The following ZNF595 variants were observed in gnomAD, a reference collection of about 807,000 sequenced individuals.
ZNF595 encodes zinc finger protein 595.
In ZNF595, 9 loss-of-function variants were observed where a neutral mutation model predicts 19.4. The observed-to-expected ratio is 0.46, with a 90% CI of 0.28 to 0.81. The LOEUF (loss-of-function observed/expected upper bound fraction) is 0.81. Ranked by LOEUF, ZNF595 falls within the 30% of genes least tolerant of loss-of-function variation. ZNF595 has a pLI of 0.11. For missense variants in ZNF595, 729 were observed against 736.0 expected (o/e 0.99, Z 0.11); for synonymous variants, 255 against 255.9 (o/e 1.00, Z 0.03).
At position 85,991 on chromosome 4, in the gene ZNF595, C is replaced by G; in HGVS notation, c.487C>G (p.His163Asp). 6.2e-7 allele frequency: 1 copy of G among 1,607,794 alleles called. No individual in the cohort carries two copies. Among genetic ancestry groups the G allele is most frequent in the Non-Finnish European group, 8.5e-7 (1 of 1,176,402 alleles). The change falls in exon 4 of 4, where the codon CAT becomes GAT. Residue 163 changes from histidine (H) to aspartate (D), a missense_variant. Physicochemically the swap from His to Asp is moderately conservative, Grantham distance 81. Coordinates refer to ENST00000610261, the MANE Select transcript of ZNF595 (RefSeq NM_182524.4). ...VFSKFSNSNK[H>D]KIRHTGEKPF... ...TAGTAAATTTTCAAATTCAAACAAA[C>G]ATAAGATAAGACATACTGGAGAGAA...
At position 63,211 on chromosome 4, in the gene ZNF595, C is replaced by T. The variant is rs1228713717; in HGVS notation, c.226+3058C>T. On this transcript the variant is annotated intron_variant, in intron 3 of 3. Coordinates refer to ENST00000610261, the MANE Select transcript of ZNF595 (RefSeq NM_182524.4). ...GAATATACTATACTCTTTTGATTAC[C>T]ATGACCTTTAAGTAAAGTTTGAAAT... 1.2e-3 allele frequency among the ~76,000 whole-genome samples: 168 copies of T among 144,102 alleles called. 10 individuals carry two copies. Among genetic ancestry groups the T allele is most frequent in the African/African-American group, 4.2e-3 (155 of 37,156 alleles). The allele number at this position is 144,102 out of a possible 152,430, so 94.5% of individuals were successfully genotyped here. A position where few individuals can be genotyped will look rare whatever the true frequency, so the allele number is the denominator to read the frequency against.
rs1714232206 is a variant in ZNF595, at chr4:87,003, A to G, written c.1499A>G (p.Asn500Ser). The G allele has an allele frequency of 2.5e-6, 4 of 1,611,652 alleles. No homozygotes were observed. The highest frequency in any genetic ancestry group is 1.7e-4 in the Middle Eastern group (1 of 6,030). The change falls in exon 4 of 4, where the codon AAT (asparagine) becomes AGT (serine). Residue 500 changes from asparagine to serine, a missense_variant. Coordinates refer to ENST00000610261, the MANE Select transcript of ZNF595 (RefSeq NM_182524.4). ...TCCGCAAGCCTGAATGAACATAAGA[A>G]TATTCATACTGGAGAGAAACCCTAC... is the stretch of plus-strand genomic sequence containing the variant. Reference protein sequence around the residue: ...IWSASLNEHKNIHTGEKPYKC... With the variant: ...IWSASLNEHKSIHTGEKPYKC...
intron 3 of ZNF595, among the ~76,000 whole-genome samples, chr4:74,920 C>G (rs926575366): frequency 1.8e-4 from 27 of 152,080 alleles, no homozygotes; most frequent in Admixed American, 4.6e-4. Context: ...TTTCCTTTTA[C>G]AATATATTTA....
chr4:63,936 GGCTGTTTCAGGGACCAAA>G (rs1712965011), intron 3 of ZNF595, among the ~76,000 whole-genome samples: 1 of 149,640 alleles, frequency 6.7e-6, no homozygotes, highest in Non-Finnish European at 1.5e-5. Context: ...ACAGACATGG[GGCTGTTTCAGGGACCAAA>G]GCTGAGGCCA....
In ZNF595 at chr4:78,952, G is replaced by A. The variant is rs376493270; in HGVS notation, c.227-6779G>A. Reference sequence around the variant, plus strand: ...AGGTAATCCACTCGCCTCGGCCTCCGAAAGTGCTGGGATTACAGGCATGGG... The same window carrying A: ...AGGTAATCCACTCGCCTCGGCCTCCAAAAGTGCTGGGATTACAGGCATGGG... On this transcript the variant is annotated intron_variant, in intron 3 of 3. Coordinates refer to ENST00000610261, the MANE Select transcript of ZNF595 (RefSeq NM_182524.4). Among the ~76,000 whole-genome samples, 86 of 152,192 alleles carry A rather than the reference G, an allele frequency of 5.7e-4. No homozygotes were observed. In the South Asian group the frequency reaches 0.017, roughly 30 times the overall value.
intron 3 of ZNF595, among the ~76,000 whole-genome samples, chr4:79,761 T>G (rs1252990974): frequency 6.6e-6 from 1 of 151,498 alleles, no homozygotes; most frequent in Non-Finnish European, 1.5e-5. Flanking sequence ...TTAAGCTAGT[T>G]TTTTTTTTCA....
At position 86,413 on chromosome 4, in the gene ZNF595, G is replaced by T. The variant is rs538089887; in HGVS notation, c.909G>T (p.Lys303Asn). 1 of 1,613,042 alleles carries T rather than the reference G, an allele frequency of 6.2e-7. No individual in the cohort carries two copies. Among genetic ancestry groups the T allele is most frequent in the Non-Finnish European group, 8.5e-7 (1 of 1,179,566 alleles). Residue 303 changes from lysine to asparagine, a missense_variant, in exon 4 of 4, where the codon AAG (lysine) becomes AAT (asparagine). Coordinates refer to ENST00000610261, the MANE Select transcript of ZNF595 (RefSeq NM_182524.4). ...FRWSTSLNEH[K>N]NIHTGEKPYK... Reference sequence around the variant, plus strand: ...GGTCCACAAGCCTGAATGAACATAAGAATATTCATACTGGAGAGAAACCCT... The same window carrying T: ...GGTCCACAAGCCTGAATGAACATAATAATATTCATACTGGAGAGAAACCCT...
intron 3 of ZNF595, among the ~76,000 whole-genome samples, chr4:69,713 A>G (rs1713349033): frequency 1.3e-5 from 2 of 151,778 alleles, no homozygotes; most frequent in Admixed American, 1.3e-4. Context: ...TGATTGTTTC[A>G]TTTGCTGTTT....
At position 87,681 on chromosome 4, in the gene ZNF595, C is replaced by A; in HGVS notation, c.*230C>A. 7.7e-5 allele frequency: 21 copies of A among 274,426 alleles called. No individual in the cohort carries two copies. The highest frequency in any genetic ancestry group is 1.0e-4 in the Admixed American group (2 of 20,092). The allele number at this position is 274,426 out of a possible 1,614,324, so 17.0% of individuals were successfully genotyped here. ...GAGTTATTCTTCACAAGCATTTGTT[C>A]TTTGTATTACACACAGTCCAGTTAT... On this transcript the variant is annotated 3_prime_UTR_variant, in exon 4 of 4. Coordinates refer to ENST00000610261, the MANE Select transcript of ZNF595 (RefSeq NM_182524.4).
chr4:73,928 G>A (rs1402313099), intron 3 of ZNF595, among the ~76,000 whole-genome samples: 1 of 152,068 alleles, frequency 6.6e-6, no homozygotes, highest in Non-Finnish European at 1.5e-5. Context: ...GCTGACCGTG[G>A]TGTTGTCAGA....
intron 3 of ZNF595, among the ~76,000 whole-genome samples, chr4:65,229 T>C (rs1713042984): frequency 1.4e-5 from 2 of 142,702 alleles, no homozygotes; most frequent in African/African-American, 2.5e-5. Flanking sequence ...AGGGCCTGCT[T>C]TTCCCAAATA....
chr4:69,936 G>A lies in ZNF595; in HGVS notation c.226+9783G>A, dbSNP rs188126529. 9.2e-5 allele frequency among the ~76,000 whole-genome samples: 14 copies of A among 152,234 alleles called. No individual in the cohort carries two copies. In the East Asian group the frequency reaches 2.1e-3, roughly 23 times the overall value. On this transcript the variant is annotated intron_variant, in intron 3 of 3. Transcript: ENST00000610261. ...TCTGCCCACAGACCGTGACCCAAAC[G>A]ACAGATGAATAAAGTACACTGATAC...
At chr4:69,857 C>T (rs1553797623) in intron 3 of ZNF595, among the ~76,000 whole-genome samples, 1 of 152,158 alleles carries the variant, frequency 6.6e-6, no homozygotes, top group East Asian at 1.9e-4. Context: ...GTTTAATTTC[C>T]TGAAGAGTTT....
rs1553801864 is a variant in ZNF595, at chr4:86,921, A to G, written c.1417A>G (p.Ile473Val). 6.2e-7 allele frequency: 1 copy of G among 1,610,938 alleles called. No individual in the cohort carries two copies. The highest frequency in any genetic ancestry group is 1.7e-5 in the Admixed American group (1 of 59,808). ...RSTTLNEHKK[I>V]HTGEKPYKCE... is the part of the protein sequence containing the mutation. Reference sequence around the variant, plus strand: ...CACAACACTGAACGAACATAAGAAAATTCATACTGGCGAGAAACCCTACAA... The same window carrying G: ...CACAACACTGAACGAACATAAGAAAGTTCATACTGGCGAGAAACCCTACAA... Residue 473 changes from isoleucine to valine, a missense_variant, in exon 4 of 4, where the codon ATT (isoleucine) becomes GTT (valine). Physicochemically the swap from Ile to Val is conservative, Grantham distance 29 (BLOSUM62 3). Around this residue, in one of 2 missense-constraint regions of ZNF595, gnomAD observed 729 missense variants for 675.3 expected, o/e 1.08. Coordinates refer to ENST00000610261, the MANE Select transcript of ZNF595 (RefSeq NM_182524.4).
chr4:72,882 T>A (rs1190533994), intron 3 of ZNF595, among the ~76,000 whole-genome samples: 2 of 152,198 alleles, frequency 1.3e-5, no homozygotes, highest in African/African-American at 4.8e-5. Flanking sequence ...TCAAAGGATG[T>A]AATCAGTAGC....
In ZNF595 at chr4:85,877, G is replaced by A. The variant is rs369412701; in HGVS notation, c.373G>A (p.Val125Met). 15 of 1,614,076 alleles carry A rather than the reference G, an allele frequency of 9.3e-6. No individual in the cohort carries two copies. In the African/African-American group the frequency reaches 2.0e-4, roughly 22 times the overall value. ...CTGTAAACGTGTGAATGAGTGTAAG[G>A]TGCAGAAAGGAGTTAATAATGGAGT... ...KGCKRVNECK[V>M]QKGVNNGVYQ... Residue 125 changes from valine (V) to methionine (M), a missense_variant, in exon 4 of 4, where the codon GTG becomes ATG. Val to Met is a conservative substitution (Grantham distance 21, BLOSUM62 1). Around this residue, in one of 2 missense-constraint regions of ZNF595, gnomAD observed 729 missense variants for 675.3 expected, o/e 1.08. Coordinates refer to ENST00000610261, the MANE Select transcript of ZNF595 (RefSeq NM_182524.4).
intron 3 of ZNF595, among the ~76,000 whole-genome samples, chr4:71,549 A>G (rs1227493187): frequency 1.3e-5 from 2 of 152,078 alleles, no homozygotes; most frequent in African/African-American, 4.8e-5. Flanking sequence ...ACAGATGCCT[A>G]TGGTGGCCAT....
intron 3 of ZNF595, among the ~76,000 whole-genome samples, chr4:76,671 G>A (rs1289140630): frequency 4.6e-5 from 7 of 151,940 alleles, no homozygotes; most frequent in East Asian, 1.9e-4. Context: ...AGAATATCTC[G>A]ATTCATATTT....
At chr4:75,977 C>T (rs782278474) in intron 3 of ZNF595, among the ~76,000 whole-genome samples, 2 of 152,164 alleles carry the variant, frequency 1.3e-5, no homozygotes, top group East Asian at 3.9e-4. Context: ...GCAGCCTTGA[C>T]CTCCCCAGGC....
Sources: gnomAD v4.1 joint callset for allele counts (sites outside exome capture counted in the v4.1 genomes callset) on GRCh38, gnomAD v4.1.1 for gene constraint, gnomAD v4.1.1 regional missense constraint, MANE v1.5 for transcripts, NCBI Gene and HGNC (gene_info 2026-07-23, HGNC 2026-07-21) for gene names.